Variants in LEUTX observed in about 807,000 individuals in gnomAD.
LEUTX encodes paired-like homeodomain transcription factor LEUTX.
Under a neutral mutation model 4.5 loss-of-function variants are expected in LEUTX, and 5 were observed. The observed-to-expected ratio is 1.11, with a 90% CI of 0.58 to 2.34. The LOEUF is 2.34. Ranked by LOEUF, LEUTX falls within the 30% of genes most tolerant of loss-of-function variation. The probability of loss-of-function intolerance (pLI) is 0.01; values close to 1 mark genes in which losing one functional copy is unlikely to be tolerated. For missense variants in LEUTX, 233 were observed against 239.4 expected, an observed-to-expected ratio of 0.97 and a Z score of 0.18; for synonymous variants, 89 against 85.1, an observed-to-expected ratio of 1.05 and a Z score of -0.25.
intron 1 of LEUTX, among the ~76,000 whole-genome samples, chr19:39,780,233 C>T (rs1217984174): frequency 1.3e-5 from 2 of 152,130 alleles, no homozygotes; most frequent in African/African-American, 4.8e-5. Context: ...GACCTCTCAG[C>T]TTGGTAGATG....
chr19:39,781,612 G>T (rs905635906), intron 1 of LEUTX, among the ~76,000 whole-genome samples: 19 of 152,068 alleles, frequency 1.2e-4, no homozygotes, highest in African/African-American at 3.9e-4. Context: ...GTTTAAAAGA[G>T]TCTGGGACCT....
chr19:39,781,737 G>A (rs1415724159), intron 1 of LEUTX, among the ~76,000 whole-genome samples: 1 of 152,168 alleles, frequency 6.6e-6, no homozygotes, highest in Non-Finnish European at 1.5e-5. Context: ...CCAGCACTAT[G>A]CTTTGTGTAT....
At chr19:39,782,477 C>T (rs1398889709) in intron 1 of LEUTX, among the ~76,000 whole-genome samples, 1 of 152,144 alleles carries the variant, frequency 6.6e-6, no homozygotes, top group African/African-American at 2.4e-5. Flanking sequence ...TGTGAGGCCT[C>T]CCCAGCCATG....
chr19:39,785,845 G>A lies in LEUTX; in HGVS notation c.307G>A (p.Val103Ile), dbSNP rs752965786. The A allele has an allele frequency of 1.3e-6, 2 of 1,551,780 alleles. No homozygotes were observed. The highest frequency in any genetic ancestry group is 1.7e-6 in the Non-Finnish European group (2 of 1,147,004). The part of the protein sequence containing the change: ...SAITTANIRP[V>I]SPGISDANDH... ...CATAACTACTGCAAACATTCGTCCA[G>A]TAAGTCCTGGAATCTCTGATGCAAA... is the stretch of plus-strand genomic sequence containing the variant. The change falls in exon 3 of 3, where the codon GTA becomes ATA. Residue 103 changes from valine to isoleucine, a missense_variant. Val to Ile is a conservative substitution (Grantham distance 29). Transcript: ENST00000638280.
At chr19:39,777,394 C>T (rs115352329), upstream of LEUTX, among the ~76,000 whole-genome samples, 853 of 152,312 alleles carry the variant, frequency 5.6e-3, 11 homozygotes, top group African/African-American at 0.02. Flanking sequence ...CAAATCTTAG[C>T]AGAGCAGGCA....
chr19:39,776,860 G>A (rs1007868345), upstream of LEUTX, among the ~76,000 whole-genome samples: 2 of 152,106 alleles, frequency 1.3e-5, no homozygotes, highest in African/African-American at 2.4e-5. Flanking sequence ...GTGATAGAGC[G>A]AGACCCCATC....
At chr19:39,777,891 C>T (rs1967820211), upstream of LEUTX, among the ~76,000 whole-genome samples, 1 of 152,214 alleles carries the variant, frequency 6.6e-6, no homozygotes, top group South Asian at 2.1e-4. Context: ...AGACAGAGTT[C>T]TTTCGCTAGT....
chr19:39,783,064 T>C (rs907216806), intron 1 of LEUTX, among the ~76,000 whole-genome samples: 12 of 151,308 alleles, frequency 7.9e-5, no homozygotes, highest in African/African-American at 2.9e-4. Flanking sequence ...CCAAAGTCCA[T>C]TGTGTCATTC....
intron 1 of LEUTX, among the ~76,000 whole-genome samples, chr19:39,779,436 C>T (rs776764497): frequency 2.0e-5 from 3 of 152,214 alleles, no homozygotes; most frequent in South Asian, 2.1e-4. Context: ...AATCTGTTCA[C>T]TCTATTTTAA....
chr19:39,780,813 G>C (rs892098120), intron 1 of LEUTX, among the ~76,000 whole-genome samples: 1 of 151,454 alleles, frequency 6.6e-6, no homozygotes, highest in African/African-American at 2.4e-5. Context: ...TCTTTTATCC[G>C]AGCATATTAA....
chr19:39,784,385 G>C lies in LEUTX; in HGVS notation c.8-142G>C, dbSNP rs1274426124. The C allele has an allele frequency of 7.6e-6, 4 of 525,342 alleles. No individual in the cohort carries two copies. In the East Asian group the frequency reaches 1.2e-4, roughly 16 times the overall value. The allele number at this position is 525,342 out of a possible 1,614,324, so 32.5% of individuals were successfully genotyped here. Reference sequence around the variant, plus strand: ...GGTTTTCTGGTTCCTTCTCATTTGTGTAGGCTCTGTCAGAGGGACGGTCTA... The same window carrying C: ...GGTTTTCTGGTTCCTTCTCATTTGTCTAGGCTCTGTCAGAGGGACGGTCTA... On this transcript the variant is annotated intron_variant, in intron 1 of 2. Transcript: ENST00000638280.
intron 2 of LEUTX, 128 bp downstream of exon 2, chr19:39,784,806 A>G: frequency 1.5e-6 from 1 of 657,342 alleles, no homozygotes; most frequent in South Asian, 2.2e-5. Flanking sequence ...TAAGCACTTT[A>G]TATTTTTATT....
At position 39,786,150 on chromosome 19, in the gene LEUTX, C is replaced by T; in HGVS notation, c.*15C>T. 2 of 1,493,534 alleles carry T rather than the reference C, an allele frequency of 1.3e-6. No homozygotes were observed. The highest frequency in any genetic ancestry group is 1.8e-6 in the Non-Finnish European group (2 of 1,117,882). 92.5% of individuals were successfully genotyped at this position (1,493,534 alleles called of 1,614,324 possible). ...CTTCAGTGTAACTTCTTACACATCA[C>T]TTCTAGGGGAGGTCTGGATCTGACC... On this transcript the variant is annotated 3_prime_UTR_variant, in exon 3 of 3. Coordinates refer to ENST00000638280, the MANE Select transcript of LEUTX (RefSeq NM_001382345.1).
intron 1 of LEUTX, among the ~76,000 whole-genome samples, chr19:39,783,673 T>TTG (rs1967921171): frequency 6.6e-6 from 1 of 152,060 alleles, no homozygotes; most frequent in South Asian, 2.1e-4. Flanking sequence ...CTATTTTTTT[T>TTG]TATTTTTTTT....
At chr19:39,777,932 G>C (rs758130765), upstream of LEUTX, among the ~76,000 whole-genome samples, 1 of 152,184 alleles carries the variant, frequency 6.6e-6, no homozygotes, top group African/African-American at 2.4e-5. Context: ...CCTGGTGGGG[G>C]TGTGGAGGTT....
At chr19:39,785,452 C>A (rs1172729647) in intron 2 of LEUTX, among the ~76,000 whole-genome samples, 1 of 150,128 alleles carries the variant, frequency 6.7e-6, no homozygotes, top group African/African-American at 2.4e-5. Context: ...AAAAAAAATA[C>A]ACCACTAATA....
chr19:39,778,833 G>A (rs12463156), upstream of LEUTX: 39,716 of 151,980 alleles, frequency 0.26, 5,835 homozygotes, highest in East Asian at 0.49. Flanking sequence ...TTAAATAAGC[G>A]GGTCTTTTAG....
At chr19:39,779,508 AT>A (rs1452396390) in intron 1 of LEUTX, among the ~76,000 whole-genome samples, 6 of 151,662 alleles carry the variant, frequency 4.0e-5, no homozygotes, top group Non-Finnish European at 8.8e-5. Flanking sequence ...AGTTTTTAGT[AT>A]GTTTTTTTTC....
At chr19:39,776,650 C>A (rs1309559808), upstream of LEUTX, 1 of 456,038 alleles carries the variant, frequency 2.2e-6, no homozygotes, top group East Asian at 6.9e-5. Flanking sequence ...AGGCGGGCAC[C>A]TGGAATCTCA....
Sources: gnomAD v4.1 joint callset for allele counts (sites outside exome capture counted in the v4.1 genomes callset) on GRCh38, gnomAD v4.1.1 for gene constraint, MANE v1.5 for transcripts, NCBI Gene and HGNC (gene_info 2026-07-23, HGNC 2026-07-21) for gene names.